ARB2A: variants seen among roughly 807,000 people sequenced by gnomAD.
ARB2A encodes the protein cotranscriptional regulator ARB2A.
chr5:94,078,375 A>C, the ARB2A span, among the ~76,000 whole-genome samples: 1 of 152,204 alleles, frequency 6.6e-6, no homozygotes, highest in Admixed American at 6.5e-5. Context: ...AATTGGCACA[A>C]GGGATTTATA....
the ARB2A span, among the ~76,000 whole-genome samples, chr5:93,645,977 G>GT: frequency 1.3e-5 from 2 of 152,100 alleles, no homozygotes; most frequent in African/African-American, 2.4e-5. Context: ...ATGGACTATA[G>GT]TTTTTTTTCC....
chr5:93,693,407 C>T, the ARB2A span, among the ~76,000 whole-genome samples: 1 of 152,006 alleles, frequency 6.6e-6, no homozygotes, highest in African/African-American at 2.4e-5. Flanking sequence ...AAACTACCAC[C>T]AGAGAATACT....
chr5:93,886,547 G>C, the ARB2A span, among the ~76,000 whole-genome samples: 1 of 151,658 alleles, frequency 6.6e-6, no homozygotes, highest in Non-Finnish European at 1.5e-5. Context: ...GATGTATGTT[G>C]TATTTATTCT....
chr5:93,848,388 A>T, the ARB2A span, among the ~76,000 whole-genome samples: 3 of 123,778 alleles, frequency 2.4e-5, no homozygotes, highest in East Asian at 2.0e-4. Context: ...TCTAAAGATT[A>T]AAAAAAAAAA....
At chr5:93,834,111 G>A in the ARB2A span, among the ~76,000 whole-genome samples, 1 of 152,176 alleles carries the variant, frequency 6.6e-6, no homozygotes, top group Admixed American at 6.5e-5. Flanking sequence ...TGAACCCACT[G>A]AGCATTTCCA....
At chr5:93,641,589 A>G in the ARB2A span, among the ~76,000 whole-genome samples, 2 of 152,314 alleles carry the variant, frequency 1.3e-5, no homozygotes, top group East Asian at 1.9e-4. Flanking sequence ...ATGTTTCCCA[A>G]GAGAAGTTGT....
chr5:93,619,054 A>G, the ARB2A span: 1 of 152,350 alleles, frequency 6.6e-6, no homozygotes, highest in South Asian at 2.1e-4. Flanking sequence ...TGAAAAATAT[A>G]TTCAATTCAC....
At chr5:94,106,210 A>AG in the ARB2A span, among the ~76,000 whole-genome samples, 81 of 152,238 alleles carry the variant, frequency 5.3e-4, no homozygotes, top group African/African-American at 1.9e-3. Context: ...ACAGAATGGG[A>AG]GAAAAAAATT....
the ARB2A span, among the ~76,000 whole-genome samples, chr5:93,981,148 A>C: frequency 6.7e-6 from 1 of 150,030 alleles, no homozygotes; most frequent in African/African-American, 2.5e-5. Context: ...GGCTCACTGT[A>C]GCCTTGACCT....
At chr5:93,834,908 T>G in the ARB2A span, among the ~76,000 whole-genome samples, 1 of 152,156 alleles carries the variant, frequency 6.6e-6, no homozygotes, top group Non-Finnish European at 1.5e-5. Context: ...ATTACAGAAA[T>G]GCAAACATAC....
At chr5:94,058,551 A>C in the ARB2A span, among the ~76,000 whole-genome samples, 1 of 152,214 alleles carries the variant, frequency 6.6e-6, no homozygotes, top group African/African-American at 2.4e-5. Context: ...ACATAAAAAA[A>C]TTCTATCTAA....
chr5:93,683,610 A>T, the ARB2A span: 156 of 1,503,848 alleles, frequency 1.0e-4, no homozygotes, highest in South Asian at 1.6e-3. Flanking sequence ...GCTCATTTTC[A>T]TCATTATCCA....
chr5:93,652,627 A>G, the ARB2A span, among the ~76,000 whole-genome samples: 1 of 152,216 alleles, frequency 6.6e-6, no homozygotes, highest in African/African-American at 2.4e-5. Context: ...TAACTGGTTG[A>G]CTTATTCAAT....
chr5:93,983,780 G>T, the ARB2A span, among the ~76,000 whole-genome samples: 1 of 152,132 alleles, frequency 6.6e-6, no homozygotes, highest in Admixed American at 6.5e-5. Flanking sequence ...GAGGATAAAA[G>T]ATCACTTCGA....
At chr5:93,632,422 T>C in the ARB2A span, among the ~76,000 whole-genome samples, 2 of 152,108 alleles carry the variant, frequency 1.3e-5, no homozygotes, top group Non-Finnish European at 2.9e-5. Context: ...AAAGGGTTAG[T>C]GGGACTGGAA....
chr5:94,050,035 G>A, the ARB2A span, among the ~76,000 whole-genome samples: 1 of 152,002 alleles, frequency 6.6e-6, no homozygotes, highest in African/African-American at 2.4e-5. Context: ...GACTTCCTGG[G>A]CTCAAGTGAT....
At chr5:93,975,849 A>C in the ARB2A span, among the ~76,000 whole-genome samples, 1 of 152,200 alleles carries the variant, frequency 6.6e-6, no homozygotes, top group Non-Finnish European at 1.5e-5. Flanking sequence ...CAATTCTACT[A>C]GATACGCAAA....
the ARB2A span, among the ~76,000 whole-genome samples, chr5:93,673,449 C>G: frequency 5.9e-5 from 9 of 151,688 alleles, no homozygotes; most frequent in Admixed American, 2.6e-4. Context: ...GATGATTTAC[C>G]CATAGCAGTA....
At chr5:94,025,487 T>C in the ARB2A span, among the ~76,000 whole-genome samples, 1 of 152,168 alleles carries the variant, frequency 6.6e-6, no homozygotes, top group Non-Finnish European at 1.5e-5. Context: ...CAAAATACAA[T>C]AGCATTGGAG....
Sources: allele counts gnomAD v4.1 joint callset (sites outside exome capture counted in the v4.1 genomes callset), GRCh38; gene constraint gnomAD v4.1.1; transcripts MANE v1.5; gene names NCBI Gene and HGNC (gene_info 2026-07-23, HGNC 2026-07-21).